The following NAA35 variants were observed in gnomAD, a reference collection of about 807,000 sequenced individuals.
NAA35 encodes N-alpha-acetyltransferase 35, NatC auxiliary subunit, also known as MAK10 homolog, amino-acid N-acetyltransferase subunit.
NAA35 carries 18 observed loss-of-function variants against 101.7 expected under a neutral mutation model. The observed-to-expected ratio is 0.18, with a 90% CI of 0.12 to 0.26. The LOEUF is 0.26. NAA35 is among the 10% of genes least tolerant of loss of function. The pLI is 1.00. For missense variants in NAA35, 601 were observed against 886.8 expected (o/e 0.68, Z 4.09); for synonymous variants, 267 against 273.1 (o/e 0.98, Z 0.22).
chr9:85,941,349 G>A, intron 1 of NAA35, 76 bp downstream of exon 1: 1 of 985,558 alleles, frequency 1.0e-6, no homozygotes, highest in Non-Finnish European at 1.2e-6. Flanking sequence ...CGCGCGTGTG[G>A]CAGATCCTGG....
intron 11 of NAA35, among the ~76,000 whole-genome samples, chr9:85,987,309 G>C (rs1172827148): frequency 6.6e-6 from 1 of 152,176 alleles, no homozygotes; most frequent in African/African-American, 2.4e-5. Flanking sequence ...AAAATATGTA[G>C]AATATGATGG....
chr9:85,955,360 A>ATT lies in NAA35; in HGVS notation c.125-984_125-983dup, dbSNP rs61549690. ...TATATATATATATATATATATATAT[A>ATT]TTTTTTTTTTTTTTTTTCTTCAGAC... is the stretch of plus-strand genomic sequence containing the variant. On this transcript the variant is annotated intron_variant, in intron 2 of 22. Coordinates refer to ENST00000361671, the MANE Select transcript of NAA35 (RefSeq NM_024635.4). Among the ~76,000 whole-genome samples, 322 of 53,892 alleles carry ATT rather than the reference A, an allele frequency of 6.0e-3. 6 individuals carry two copies. The highest frequency in any genetic ancestry group is 0.02 in the South Asian group (16 of 784). 35.4% of individuals were successfully genotyped at this position (53,892 alleles called of 152,430 possible).
intron 21 of NAA35, among the ~76,000 whole-genome samples, chr9:86,020,529 A>T (rs1375406340): frequency 1.3e-5 from 2 of 152,088 alleles, no homozygotes; most frequent in Non-Finnish European, 2.9e-5. Flanking sequence ...CATTATACAA[A>T]GTTTCTATTA....
At chr9:85,968,634 C>CTT (rs138194519) in intron 6 of NAA35, among the ~76,000 whole-genome samples, 4 of 148,654 alleles carry the variant, frequency 2.7e-5, no homozygotes, top group Admixed American at 6.7e-5. Context: ...GTTCTCTGCT[C>CTT]TTTTTTTTTT....
chr9:85,941,810 G>A, intron 1 of NAA35: 1 of 1,018,642 alleles, frequency 9.8e-7, no homozygotes, highest in Non-Finnish European at 1.2e-6. Flanking sequence ...CCTGAATAGT[G>A]CCTTGGTCTT....
At chr9:86,021,749 A>G (rs1205228733) in intron 22 of NAA35, 152 bp from the exon 23 acceptor site, 4 of 637,146 alleles carry the variant, frequency 6.3e-6, no homozygotes, top group Admixed American at 6.6e-5. Context: ...GTTAGTTCCT[A>G]CCTTTTTTGT....
At chr9:85,964,988 T>G (rs1334979703) in intron 6 of NAA35, among the ~76,000 whole-genome samples, 1 of 152,258 alleles carries the variant, frequency 6.6e-6, no homozygotes, top group East Asian at 1.9e-4. Flanking sequence ...TAATGTTTAC[T>G]GTGATGGTTG....
chr9:85,941,701 C>G lies in NAA35; in HGVS notation c.-6+428C>G, dbSNP rs538732841. ...GGTTCTGCCTGGGTCCGGGCCGGCT[C>G]TGGCCCGGGAGAGGTCCCAGCGAGC... is the stretch of plus-strand genomic sequence containing the variant. On this transcript the variant is annotated intron_variant, in intron 1 of 22. Coordinates refer to ENST00000361671, the MANE Select transcript of NAA35 (RefSeq NM_024635.4). 4 of 986,394 alleles carry G rather than the reference C, an allele frequency of 4.1e-6. No individual in the cohort carries two copies. In the African/African-American group the frequency reaches 5.2e-5, roughly 13 times the overall value. 61.1% of individuals were successfully genotyped at this position (986,394 alleles called of 1,614,324 possible).
Position 86,018,790 on chromosome 9 carries a change from T to C in NAA35, c.2006T>C (p.Ile669Thr). 6.2e-7 allele frequency: 1 copy of C among 1,614,040 alleles called. No homozygotes were observed. The highest frequency in any genetic ancestry group is 8.5e-7 in the Non-Finnish European group (1 of 1,179,990). ...AAGCACTTTCAACAGGCAAAAATGA[T>C]ATTGGAAAATATTCCTAACCCGGAC... is the stretch of plus-strand genomic sequence containing the variant. ...ASKHFQQAKM[I>T]LENIPNPDHE... Residue 669 changes from isoleucine (I) to threonine (T), a missense_variant, in exon 21 of 23, where the codon ATA becomes ACA. By Grantham distance (89) the Ile-to-Thr change is moderately conservative. Transcript: ENST00000361671.
chr9:85,972,468 C>T (rs942512572), intron 6 of NAA35, among the ~76,000 whole-genome samples: 9 of 132,860 alleles, frequency 6.8e-5, no homozygotes, highest in South Asian at 4.9e-4. Context: ...GCTAAGTTTG[C>T]GTCACTACAC....
chr9:85,952,082 C>T lies in NAA35; in HGVS notation c.125-4278C>T, dbSNP rs116203851. ...ATTGTTAGACTTACAGTGGCAGATA[C>T]GTATTTACCAAAATTTTAGATTTTG... On this transcript the variant is annotated intron_variant, in intron 2 of 22. Transcript: ENST00000361671. 7.1e-3 allele frequency among the ~76,000 whole-genome samples: 1,080 copies of T among 152,206 alleles called. 16 individuals carry two copies. The highest frequency in any genetic ancestry group is 0.024 in the African/African-American group (1,010 of 41,520).
chr9:86,006,700 T>A (rs1404384577), intron 13 of NAA35, among the ~76,000 whole-genome samples: 3 of 152,170 alleles, frequency 2.0e-5, no homozygotes, highest in Non-Finnish European at 4.4e-5. Flanking sequence ...GTGATACAGG[T>A]GATACAGTTT....
In NAA35 at chr9:85,970,803, G is replaced by T. The variant is rs75763588; in HGVS notation, c.517-4164G>T. Reference sequence around the variant, plus strand: ...TTAGAGACATGAATTTCTGTATTTGGTAATTGTACTGTGATTATGCAAGAG... The same window carrying T: ...TTAGAGACATGAATTTCTGTATTTGTTAATTGTACTGTGATTATGCAAGAG... On this transcript the variant is annotated intron_variant, in intron 6 of 22. Coordinates refer to ENST00000361671, the MANE Select transcript of NAA35 (RefSeq NM_024635.4). 4.1e-3 allele frequency among the ~76,000 whole-genome samples: 617 copies of T among 152,302 alleles called. 9 individuals carry two copies. The highest frequency in any genetic ancestry group is 0.014 in the African/African-American group (586 of 41,562).
rs779209602 is a variant in NAA35 at position 86,018,295 on chromosome 9, C to T, written c.1814C>T (p.Pro605Leu). The T allele has an allele frequency of 4.3e-6, 7 of 1,613,600 alleles. No individual in the cohort carries two copies. The highest frequency in any genetic ancestry group is 1.3e-5 in the African/African-American group (1 of 74,854). The change falls in exon 20 of 23, where the codon CCG (proline) becomes CTG (leucine). Residue 605 changes from proline to leucine, a missense_variant. By Grantham distance (98) the Pro-to-Leu change is moderately conservative. This residue lies in a region of NAA35 where 90 missense variants were observed against 108.7 expected (regional missense o/e 0.83). Coordinates refer to ENST00000361671, the MANE Select transcript of NAA35 (RefSeq NM_024635.4). ...GACATGGACGGCAAAGTACGTAAAC[C>T]GAAGTTTGAGCTTGATAGTGAACAA... ...AFDMDGKVRK[P>L]KFELDSEQVR... is the part of the protein sequence containing the mutation.
At chr9:86,001,213 T>G (rs1831405123) in intron 12 of NAA35, among the ~76,000 whole-genome samples, 2 of 152,226 alleles carry the variant, frequency 1.3e-5, no homozygotes, top group South Asian at 4.1e-4. Context: ...ATTTTCATTG[T>G]GTCGACTTTT....
intron 11 of NAA35, among the ~76,000 whole-genome samples, chr9:85,985,491 G>T (rs1241584939): frequency 2.6e-5 from 4 of 152,168 alleles, no homozygotes; most frequent in African/African-American, 9.7e-5. Flanking sequence ...AATCAGAAAA[G>T]ACCATGTATT....
intron 17 of NAA35, chr9:86,014,475 G>T: frequency 5.0e-6 from 2 of 397,572 alleles, no homozygotes; most frequent in Non-Finnish European, 6.8e-6. Context: ...AGCTGTCATA[G>T]AAAGAAAATA....
chr9:85,973,364 G>A (rs1830075096), intron 6 of NAA35, among the ~76,000 whole-genome samples: 2 of 152,194 alleles, frequency 1.3e-5, no homozygotes, highest in Admixed American at 6.5e-5. Context: ...CTGCCTTCTG[G>A]TGGTATATAA....
Position 85,962,139 on chromosome 9 carries a change from A to G in NAA35, c.475A>G (p.Ile159Val). The change falls in exon 6 of 23, where the codon ATT becomes GTT. Residue 159 changes from isoleucine (I) to valine (V), a missense_variant. Physicochemically the swap from Ile to Val is conservative, Grantham distance 29. Transcript: ENST00000361671. ...TCTGGGAATCTTGAAAATCTGTGAC[A>G]TTGCAAGGGAAAAAGTAAATAAAGC... The part of the protein sequence containing the change: ...FALGILKICD[I>V]AREKVNKAAV... 1 of 1,614,100 alleles carries G rather than the reference A, an allele frequency of 6.2e-7. No individual in the cohort carries two copies.
Sources: gnomAD v4.1 joint callset for allele counts (sites outside exome capture counted in the v4.1 genomes callset) on GRCh38, gnomAD v4.1.1 for gene constraint, gnomAD v4.1.1 regional missense constraint, MANE v1.5 for transcripts, NCBI Gene and HGNC (gene_info 2026-07-23, HGNC 2026-07-21) for gene names.